Variants in TBC1D5 observed in about 807,000 individuals in gnomAD.
TBC1D5 encodes the protein TBC1 domain family, member 5.
Under a neutral mutation model 100.3 loss-of-function variants are expected in TBC1D5, and 75 were observed. The observed-to-expected ratio is 0.75, with a 90% CI of 0.62 to 0.91. The LOEUF (loss-of-function observed/expected upper bound fraction) is 0.91. Ranked by LOEUF, TBC1D5 falls within the 40% of genes least tolerant of loss-of-function variation. The probability of loss-of-function intolerance (pLI) is 0.00; values close to 1 mark genes in which losing one functional copy is unlikely to be tolerated. For synonymous variants in TBC1D5, 323 were observed against 325.6 expected, an observed-to-expected ratio of 0.99 and a Z score of 0.09; for missense variants, 910 against 942.4, an observed-to-expected ratio of 0.97 and a Z score of 0.45.
intron 13 of TBC1D5, among the ~76,000 whole-genome samples, chr3:17,365,574 G>T (rs1425487144): frequency 6.6e-6 from 1 of 152,154 alleles, no homozygotes; most frequent in Non-Finnish European, 1.5e-5. Flanking sequence ...ACATTTGCTG[G>T]GGGCACATCC....
chr3:17,344,868 A>G (rs1445104867), intron 13 of TBC1D5, among the ~76,000 whole-genome samples: 2 of 152,228 alleles, frequency 1.3e-5, no homozygotes, highest in African/African-American at 4.8e-5. Flanking sequence ...AGCCATATGT[A>G]GAAAGCTGAA....
At position 17,444,767 on chromosome 3, in the gene TBC1D5, T is replaced by A. The variant is rs149003335; in HGVS notation, c.98-16248A>T. Reference sequence around the variant, plus strand: ...TCTTCCATTGTTAGTATTTTAACATTTGCTCAAATTTTTAACAATATGCAT... The same window carrying A: ...TCTTCCATTGTTAGTATTTTAACATATGCTCAAATTTTTAACAATATGCAT... On this transcript the variant is annotated intron_variant, in intron 3 of 21. Coordinates refer to ENST00000253692, the Ensembl canonical transcript of TBC1D5. Among the ~76,000 whole-genome samples the A allele has an allele frequency of 7.5e-4, 114 of 152,240 alleles. 2 individuals are homozygous for A. In the East Asian group the frequency reaches 0.021, roughly 28 times the overall value.
exon 22 of TBC1D5, chr3:17,158,017 C>T (rs2065741099): frequency 6.6e-6 from 1 of 152,198 alleles, no homozygotes; most frequent in South Asian, 2.1e-4. Context: ...ATTGCAGTTA[C>T]CTCTGAACAT....
intron 2 of TBC1D5, among the ~76,000 whole-genome samples, chr3:17,519,186 G>C (rs1477150193): frequency 2.0e-5 from 3 of 152,206 alleles, no homozygotes; most frequent in Non-Finnish European, 4.4e-5. Flanking sequence ...GCTCAGCTGG[G>C]TTGATTTTCA....
intron 13 of TBC1D5, among the ~76,000 whole-genome samples, chr3:17,349,566 C>G (rs1285970260): frequency 6.6e-6 from 1 of 152,132 alleles, no homozygotes; most frequent in Non-Finnish European, 1.5e-5. Context: ...AAGAAGCTTA[C>G]AACATTGTTC....
In TBC1D5 at chr3:17,241,441, T is replaced by C. The variant is rs576966819; in HGVS notation, c.1332-3022A>G. 3.3e-5 allele frequency among the ~76,000 whole-genome samples: 5 copies of C among 152,310 alleles called. No homozygotes were observed. The South Asian group carries it at 1.0e-3, about 32-fold the overall frequency. The stretch of plus-strand genomic sequence containing the variant: ...AGAGGAATTTGGAGTTAACAAGACA[T>C]TGAATATCAAATCTAATGAGTAACC... On this transcript the variant is annotated intron_variant, in intron 16 of 21. Transcript: ENST00000253692.
chr3:17,383,972 T>G (rs1364697907), exon 9 of TBC1D5: 4 of 1,601,890 alleles, frequency 2.5e-6, no homozygotes, highest in African/African-American at 1.3e-5. Context: ...TCTGTAAGAA[T>G]TTTTCTCACA....
chr3:17,197,442 T>TACTGTACTTTGTACAGTGTACAGC (rs1559391165), intron 18 of TBC1D5, among the ~76,000 whole-genome samples: 4 of 152,094 alleles, frequency 2.6e-5, no homozygotes, highest in Non-Finnish European at 4.4e-5. Context: ...AGTGGTGTGA[T>TACTGTACTTTGTACAGTGTACAGC]CATGGCTCAT....
intron 1 of TBC1D5, among the ~76,000 whole-genome samples, chr3:17,692,338 C>T (rs1477986235): frequency 1.3e-5 from 2 of 152,056 alleles, no homozygotes; most frequent in African/African-American, 4.8e-5. Flanking sequence ...GTGATCCACC[C>T]GCCTCAGCCT....
chr3:17,597,117 A>G (rs1214366977), intron 2 of TBC1D5, among the ~76,000 whole-genome samples: 1 of 152,192 alleles, frequency 6.6e-6, no homozygotes, highest in Non-Finnish European at 1.5e-5. Context: ...TGTAGTTTTT[A>G]AATTATTGCG....
intron 1 of TBC1D5, chr3:17,702,485 T>C (rs367735559): frequency 2.6e-5 from 4 of 152,004 alleles, no homozygotes; most frequent in African/African-American, 7.2e-5. Context: ...AAGAACATAG[T>C]GAACGGCATT....
intron 19 of TBC1D5, among the ~76,000 whole-genome samples, chr3:17,176,399 G>A (rs895286021): frequency 1.1e-4 from 17 of 152,184 alleles, no homozygotes; most frequent in African/African-American, 3.9e-4. Context: ...TTTCAAACTG[G>A]GAAGGCTGGT....
At chr3:17,274,496 T>G (rs1004738139) in intron 15 of TBC1D5, among the ~76,000 whole-genome samples, 33 of 152,188 alleles carry the variant, frequency 2.2e-4, no homozygotes, top group African/African-American at 7.7e-4. Flanking sequence ...GTGGAATACA[T>G]AATAGAAATG....
chr3:17,358,689 C>A (rs1057079355), intron 13 of TBC1D5, among the ~76,000 whole-genome samples: 88 of 152,220 alleles, frequency 5.8e-4, no homozygotes, highest in Non-Finnish European at 9.3e-4. Flanking sequence ...AAAATGATTA[C>A]AAATTCTAAA....
intron 2 of TBC1D5, among the ~76,000 whole-genome samples, chr3:17,601,743 A>G (rs2060959982): frequency 6.6e-6 from 1 of 152,228 alleles, no homozygotes. Context: ...TATTATTAAC[A>G]TTATTCCCAC....
At chr3:17,505,013 A>T (rs1357872617) in intron 3 of TBC1D5, among the ~76,000 whole-genome samples, 3 of 152,244 alleles carry the variant, frequency 2.0e-5, no homozygotes, top group Non-Finnish European at 4.4e-5. Context: ...ACAAAATTAT[A>T]GGAAGCAAAA....
intron 18 of TBC1D5, among the ~76,000 whole-genome samples, chr3:17,203,539 T>G (rs2071754355): frequency 1.3e-5 from 2 of 152,344 alleles, no homozygotes; most frequent in Non-Finnish European, 2.9e-5. Context: ...TTTGGATTTC[T>G]GTCTCCACCC....
intron 3 of TBC1D5, among the ~76,000 whole-genome samples, chr3:17,497,335 G>C (rs1011905178): frequency 2.0e-5 from 3 of 152,038 alleles, no homozygotes; most frequent in Non-Finnish European, 4.4e-5. Flanking sequence ...CTCAATGTTT[G>C]TCCATCTCAT....
intron 3 of TBC1D5, among the ~76,000 whole-genome samples, chr3:17,491,238 G>C (rs1307365024): frequency 6.6e-6 from 1 of 152,060 alleles, no homozygotes; most frequent in African/African-American, 2.4e-5. Context: ...CTAGATATAG[G>C]ATCATGTATA....
Sources: gnomAD v4.1 joint callset for allele counts (sites outside exome capture counted in the v4.1 genomes callset) on GRCh38, gnomAD v4.1.1 for gene constraint, MANE v1.5 for transcripts, NCBI Gene and HGNC (gene_info 2026-07-23, HGNC 2026-07-21) for gene names.